TRPM3: variants seen among roughly 807,000 people sequenced by gnomAD.
TRPM3 encodes the protein long transient receptor potential channel 3.
Under a neutral mutation model 181.2 loss-of-function variants are expected in TRPM3, and 77 were observed. The ratio of observed to expected loss-of-function variants is 0.42; its 90% confidence interval spans 0.35 to 0.51. The LOEUF (loss-of-function observed/expected upper bound fraction) is 0.51. Ranked by LOEUF, TRPM3 falls within the 20% of genes least tolerant of loss-of-function variation. TRPM3 has a pLI of 0.01. For synonymous variants in TRPM3, 745 were observed against 796.4 expected, an observed-to-expected ratio of 0.94 and a Z score of 1.09; for missense variants, 1,759 against 2,196.7, an observed-to-expected ratio of 0.80 and a Z score of 3.98.
intron 22 of TRPM3, among the ~76,000 whole-genome samples, chr9:70,567,425 T>C (rs750373326): frequency 4.6e-5 from 7 of 152,270 alleles, no homozygotes; most frequent in Non-Finnish European, 8.8e-5. Context: ...TTGATAATAT[T>C]CATTAGAGTA....
intron 9 of TRPM3, among the ~76,000 whole-genome samples, chr9:70,643,130 T>C (rs2058308054): frequency 6.6e-6 from 1 of 152,174 alleles, no homozygotes; most frequent in Non-Finnish European, 1.5e-5. Context: ...TCTCCTCAGG[T>C]AACAACAGGG....
intron 1 of TRPM3, among the ~76,000 whole-genome samples, chr9:71,376,101 C>A (rs1406077649): frequency 6.6e-6 from 1 of 151,886 alleles, no homozygotes; most frequent in Non-Finnish European, 1.5e-5. Flanking sequence ...TTTCCTTAAG[C>A]AAACAGATCA....
intron 21 of TRPM3, among the ~76,000 whole-genome samples, chr9:70,592,844 C>A (rs1398467821): frequency 6.6e-6 from 1 of 152,152 alleles, no homozygotes; most frequent in Non-Finnish European, 1.5e-5. Flanking sequence ...AATTGTCTGC[C>A]TCAGCCTCCT....
intron 1 of TRPM3, among the ~76,000 whole-genome samples, chr9:71,140,251 A>G (rs774041456): frequency 9.8e-5 from 15 of 152,290 alleles, no homozygotes; most frequent in Non-Finnish European, 8.8e-5. Context: ...CAGATATAGG[A>G]AGCAAATTCT....
At chr9:71,401,218 A>C (rs937158085) in intron 1 of TRPM3, among the ~76,000 whole-genome samples, 6 of 145,016 alleles carry the variant, frequency 4.1e-5, no homozygotes, top group African/African-American at 1.5e-4. Flanking sequence ...AAAAAAAAAG[A>C]ATCTATCATA....
At chr9:71,011,492 G>C (rs2097738842) in intron 1 of TRPM3, among the ~76,000 whole-genome samples, 1 of 151,904 alleles carries the variant, frequency 6.6e-6, no homozygotes. Flanking sequence ...AGTATTTTCT[G>C]TTAACTGTGT....
chr9:71,096,598 T>A (rs201011854), intron 1 of TRPM3, among the ~76,000 whole-genome samples: 6,168 of 133,788 alleles, frequency 0.046, 157 homozygotes, highest in Admixed American at 0.097. Context: ...ACACTCTCTC[T>A]CTCTCTCTCT....
intron 1 of TRPM3, among the ~76,000 whole-genome samples, chr9:71,379,333 T>C (rs2092738810): frequency 6.6e-6 from 1 of 152,086 alleles, no homozygotes; most frequent in South Asian, 2.1e-4. Flanking sequence ...AAGATAATGG[T>C]TACCCTGGTT....
At chr9:70,739,846 G>A (rs758672050) in intron 8 of TRPM3, among the ~76,000 whole-genome samples, 19 of 152,178 alleles carry the variant, frequency 1.2e-4, no homozygotes, top group Non-Finnish European at 2.2e-4. Flanking sequence ...TCGAACTACT[G>A]GCCTCAAGTG....
intron 1 of TRPM3, among the ~76,000 whole-genome samples, chr9:70,982,908 C>T (rs1018916743): frequency 6.6e-6 from 1 of 152,100 alleles, no homozygotes; most frequent in Non-Finnish European, 1.5e-5. Flanking sequence ...GCCATGTTGG[C>T]CAGGCTGGTC....
chr9:71,114,851 C>T lies in TRPM3; in HGVS notation c.177+6327G>A, dbSNP rs1255479986. The stretch of plus-strand genomic sequence containing the variant: ...CATGAAGACTATTTTTAGGAGCTCT[C>T]GTTCACAACCATATCTCCATCTAAG... On this transcript the variant is annotated intron_variant, in intron 1 of 25. Transcript: ENST00000677713. Among the ~76,000 whole-genome samples, 3 of 152,146 alleles carry T rather than the reference C, an allele frequency of 2.0e-5. No homozygotes were observed. In the East Asian group the frequency reaches 5.8e-4, roughly 29 times the overall value.
intron 24 of TRPM3, among the ~76,000 whole-genome samples, chr9:70,552,549 A>G (rs2046720751): frequency 6.6e-6 from 1 of 152,226 alleles, no homozygotes; most frequent in Non-Finnish European, 1.5e-5. Context: ...TCTGGAAAGC[A>G]AGAAACTTAG....
chr9:70,847,634 C>T (rs998331425), intron 3 of TRPM3, among the ~76,000 whole-genome samples: 2 of 151,774 alleles, frequency 1.3e-5, no homozygotes, highest in African/African-American at 2.4e-5. Flanking sequence ...CTTCAAAGGG[C>T]TCATCCTCAA....
At chr9:71,171,728 C>T (rs534827040) in intron 1 of TRPM3, among the ~76,000 whole-genome samples, 65 of 152,238 alleles carry the variant, frequency 4.3e-4, no homozygotes, top group African/African-American at 1.5e-3. Flanking sequence ...CTGCTATACA[C>T]CATTACTCAG....
intron 8 of TRPM3, among the ~76,000 whole-genome samples, chr9:70,742,059 TAAAATAAATA>T (rs1587685218): frequency 1.3e-5 from 2 of 152,286 alleles, no homozygotes; most frequent in East Asian, 3.9e-4. Flanking sequence ...TTTAATTTTT[TAAAATAAATA>T]AATTTCTGAA....
At chr9:71,221,571 G>T (rs1356459927) in intron 1 of TRPM3, among the ~76,000 whole-genome samples, 1 of 152,140 alleles carries the variant, frequency 6.6e-6, no homozygotes, top group Admixed American at 6.5e-5. Flanking sequence ...TATCACGTAT[G>T]TCTTTTGGGA....
chr9:70,825,345 C>T (rs2093484392), intron 6 of TRPM3: 1 of 152,112 alleles, frequency 6.6e-6, no homozygotes, highest in Non-Finnish European at 1.5e-5. Flanking sequence ...TCTCCTCTTA[C>T]CATTTAATTA....
In TRPM3 at chr9:70,551,205, C is replaced by T. The variant is rs183662840; in HGVS notation, c.3575-1531G>A. ...TTCAGTGTTTTGTCTGAGCCTCTGC[C>T]AGAACTTGGCAGTGCCCTGGGTTCT... is the stretch of plus-strand genomic sequence containing the variant. On this transcript the variant is annotated intron_variant, in intron 24 of 25. Transcript: ENST00000677713. Among the ~76,000 whole-genome samples the T allele has an allele frequency of 4.6e-5, 7 of 152,244 alleles. No individual in the cohort carries two copies. The East Asian group carries it at 1.4e-3, about 29-fold the overall frequency.
In TRPM3 at chr9:70,581,947, GTCTTCTCCT is replaced by G. The variant is rs200006348; in HGVS notation, c.3223+9075_3223+9083del. ...CCCTCCTTCCCTCCCTTTTTTCCTTGTCTTCTCCTTCCTTTCTTCCTTCCTTCTCTCCCT... is the reference window on the plus strand; with the variant it reads ...CCCTCCTTCCCTCCCTTTTTTCCTTGTCCTTTCTTCCTTCCTTCTCTCCCT... On this transcript the variant is annotated intron_variant, in intron 22 of 25. Coordinates refer to ENST00000677713, the MANE Select transcript of TRPM3 (RefSeq NM_001366145.2). Among the ~76,000 whole-genome samples the G allele has an allele frequency of 7.9e-4, 77 of 97,086 alleles. No individual in the cohort carries two copies. The East Asian group carries it at 0.019, about 24-fold the overall frequency. 63.7% of individuals were successfully genotyped at this position (97,086 alleles called of 152,430 possible).
Sources: allele counts gnomAD v4.1 joint callset (sites outside exome capture counted in the v4.1 genomes callset), GRCh38; gene constraint gnomAD v4.1.1; transcripts MANE v1.5; gene names NCBI Gene and HGNC (gene_info 2026-07-23, HGNC 2026-07-21).